The following ERI1 variants were observed in gnomAD, a reference collection of about 807,000 sequenced individuals.
The protein encoded by ERI1 is 3'-5' exoribonuclease 1.
A neutral mutation model predicts 39.7 loss-of-function variants in ERI1; 39 were observed. The observed-to-expected ratio is 0.98, with a 90% CI of 0.76 to 1.28. ERI1 has a LOEUF of 1.28. Among genes scored for constraint, ERI1 ranks in the 50% most tolerant of loss-of-function variants. The pLI is 0.00. For synonymous variants in ERI1, 204 were observed against 149.6 expected (o/e 1.36, Z -2.65); for missense variants, 581 against 416.9 (o/e 1.39, Z -3.43).
intron 3 of ERI1, among the ~76,000 whole-genome samples, chr8:9,094,618 C>G (rs992551796): frequency 1.3e-5 from 2 of 152,164 alleles, no homozygotes; most frequent in African/African-American, 4.8e-5. Context: ...CCTTTTCTCT[C>G]TTCTCTGTGT....
At chr8:9,016,970 A>T (rs1585205336) in intron 4 of ERI1, among the ~76,000 whole-genome samples, 1 of 152,222 alleles carries the variant, frequency 6.6e-6, no homozygotes, top group African/African-American at 2.4e-5. Flanking sequence ...GACGTGAGCC[A>T]CCATGCCCAG....
At chr8:9,083,742 C>G (rs1017877063) in intron 3 of ERI1, among the ~76,000 whole-genome samples, 4 of 151,988 alleles carry the variant, frequency 2.6e-5, no homozygotes, top group Non-Finnish European at 5.9e-5. Context: ...TTGCTTGAAT[C>G]CAGGAGTTCA....
intron 6 of ERI1, among the ~76,000 whole-genome samples, chr8:9,029,064 A>C (rs903551669): frequency 2.7e-5 from 4 of 149,022 alleles, no homozygotes; most frequent in Non-Finnish European, 5.9e-5. Context: ...TTCATTCTTA[A>C]TCTTCATTAT....
chr8:9,013,778 G>A (rs1287331121), intron 3 of ERI1, among the ~76,000 whole-genome samples: 2 of 152,010 alleles, frequency 1.3e-5, no homozygotes, highest in African/African-American at 4.8e-5. Context: ...CCTTCTAATT[G>A]CTCAGTTCAA....
At chr8:9,023,498 A>G (rs542593094) in intron 6 of ERI1, among the ~76,000 whole-genome samples, 33 of 152,276 alleles carry the variant, frequency 2.2e-4, no homozygotes, top group African/African-American at 7.9e-4. Context: ...TAGATATTAT[A>G]AGGCAATAAA....
intron 3 of ERI1, among the ~76,000 whole-genome samples, chr8:9,049,469 G>C (rs760237245): frequency 6.6e-6 from 1 of 151,396 alleles, no homozygotes; most frequent in Admixed American, 6.6e-5. Flanking sequence ...AAGGGAGTGC[G>C]GGGAGTCCTG....
intron 3 of ERI1, among the ~76,000 whole-genome samples, chr8:9,060,122 G>T (rs976772978): frequency 2.6e-5 from 4 of 152,122 alleles, no homozygotes; most frequent in African/African-American, 4.8e-5. Flanking sequence ...TGAATATTGA[G>T]GATGGTAAGG....
intron 2 of ERI1, among the ~76,000 whole-genome samples, chr8:9,011,331 A>G (rs929714253): frequency 2.6e-5 from 4 of 152,222 alleles, no homozygotes; most frequent in South Asian, 2.1e-4. Flanking sequence ...AAGACTTGTG[A>G]AGGAAAATGT....
In ERI1 at chr8:9,030,316, T is replaced by C. The variant is rs1475687785; in HGVS notation, c.*282T>C. The C allele has an allele frequency of 1.1e-5, 4 of 349,742 alleles. No homozygotes were observed. Among genetic ancestry groups the C allele is most frequent in the African/African-American group, 4.0e-5 (2 of 49,478 alleles). 21.7% of individuals were successfully genotyped at this position (349,742 alleles called of 1,614,324 possible). A position where few individuals can be genotyped will look rare whatever the true frequency, so the allele number is the denominator to read the frequency against. On this transcript the variant is annotated 3_prime_UTR_variant, in exon 7 of 7. Coordinates refer to ENST00000250263, the MANE Select transcript of ERI1 (RefSeq NM_153332.4). Reference sequence around the variant, plus strand: ...TTTAAGGTGTTCAAGATATATTCTTTTTGGTTTTAAAATGCAAAATCTTAT... The same window carrying C: ...TTTAAGGTGTTCAAGATATATTCTTCTTGGTTTTAAAATGCAAAATCTTAT...
At position 9,003,155 on chromosome 8, in the gene ERI1, C is replaced by T. The variant is rs1815550188; in HGVS notation, c.92C>T (p.Pro31Leu). The part of the protein sequence containing the change: ...SPRPEGGEEP[P>L]RPSPEETQQC... ...CGGCCGGAGGGCGGGGAGGAGCCGC[C>T]GCGTCCCAGTCCCGAGGTGAGGAGT... Residue 31 changes from proline (P) to leucine (L), a missense_variant, in exon 1 of 7, where the codon CCG becomes CTG. Physicochemically the swap from Pro to Leu is moderately conservative, Grantham distance 98. Coordinates refer to ENST00000250263, the MANE Select transcript of ERI1 (RefSeq NM_153332.4). 12 of 1,243,674 alleles carry T rather than the reference C, an allele frequency of 9.6e-6. No homozygotes were observed. Among genetic ancestry groups the T allele is most frequent in the Admixed American group, 4.2e-5 (1 of 23,874 alleles). The allele number at this position is 1,243,674 out of a possible 1,614,324, so 77.0% of individuals were successfully genotyped here.
At position 9,029,843 on chromosome 8, in the gene ERI1, G is replaced by C. The variant is rs1797459716; in HGVS notation, c.859G>C (p.Asp287His). 1 of 1,614,158 alleles carries C rather than the reference G, an allele frequency of 6.2e-7. No homozygotes were observed. Among genetic ancestry groups the C allele is most frequent in the African/African-American group, 1.3e-5 (1 of 75,038 alleles). ...AATAATGCTTGAAAAATTAGGAATG[G>C]ATTATGATGGGCGGCCTCACTGTGG... ...LTIMLEKLGMDYDGRPHCGLD... is the reference protein window; with the variant it reads ...LTIMLEKLGMHYDGRPHCGLD... Residue 287 changes from aspartate to histidine, a missense_variant, in exon 7 of 7, where the codon GAT (aspartate) becomes CAT (histidine). Coordinates refer to ENST00000250263, the MANE Select transcript of ERI1 (RefSeq NM_153332.4).
chr8:9,094,829 A>G (rs760273262), intron 3 of ERI1, among the ~76,000 whole-genome samples: 2 of 152,206 alleles, frequency 1.3e-5, no homozygotes, highest in Non-Finnish European at 2.9e-5. Flanking sequence ...TCAGACAAAT[A>G]TTAAGATTGG....
chr8:9,020,486 A>G, intron 6 of ERI1, 22 bp downstream of exon 6: 2 of 1,388,582 alleles, frequency 1.4e-6, no homozygotes, highest in South Asian at 2.5e-5. Context: ...ATATTTAATA[A>G]TTACGTGGTT....
intron 3 of ERI1, among the ~76,000 whole-genome samples, chr8:9,095,171 A>G (rs1799837463): frequency 6.6e-6 from 1 of 152,228 alleles, no homozygotes; most frequent in Non-Finnish European, 1.5e-5. Flanking sequence ...GTAGGGCTTC[A>G]TGAGTGCTAC....
At chr8:9,042,655 C>T (rs1253276594) in intron 3 of ERI1, among the ~76,000 whole-genome samples, 2 of 152,092 alleles carry the variant, frequency 1.3e-5, no homozygotes, top group African/African-American at 2.4e-5. Context: ...AGTTAGCTAA[C>T]AAAACTGGAG....
intron 6 of ERI1, among the ~76,000 whole-genome samples, chr8:9,025,697 T>TG (rs1340702863): frequency 1.6e-5 from 2 of 122,804 alleles, no homozygotes; most frequent in African/African-American, 5.5e-5. Context: ...TTTAATCTTT[T>TG]TTTTTTGTGT....
At chr8:9,061,323 T>C (rs185095302) in intron 3 of ERI1, among the ~76,000 whole-genome samples, 2 of 152,208 alleles carry the variant, frequency 1.3e-5, no homozygotes, top group African/African-American at 2.4e-5. Flanking sequence ...GGAGGCCAGA[T>C]TGAAGTCCGG....
At chr8:9,004,197 T>C (rs1815703148) in intron 1 of ERI1, 1 of 1,285,264 alleles carries the variant, frequency 7.8e-7, no homozygotes, top group East Asian at 5.6e-5. Context: ...CCTTCTAAGG[T>C]TGTTATTTCA....
chr8:9,092,799 C>T (rs191333086), intron 3 of ERI1, among the ~76,000 whole-genome samples: 248 of 152,242 alleles, frequency 1.6e-3, no homozygotes, highest in African/African-American at 5.6e-3. Context: ...AGTAACAGAC[C>T]GGGTGGCTTC....
Sources: allele counts gnomAD v4.1 joint callset (sites outside exome capture counted in the v4.1 genomes callset), GRCh38; gene constraint gnomAD v4.1.1; transcripts MANE v1.5; gene names NCBI Gene and HGNC (gene_info 2026-07-23, HGNC 2026-07-21).